SLC67A1: variants seen among roughly 807,000 people sequenced by gnomAD.
SLC67A1 encodes solute carrier family 67 member 1, also known as solute carrier family 67 member A1.
the SLC67A1 span, chr11:2,903,197 G>A: frequency 6.7e-7 from 1 of 1,497,140 alleles, no homozygotes; most frequent in Non-Finnish European, 8.9e-7. Flanking sequence ...GTCCTGCAGT[G>A]CTGTCCTCTC....
chr11:2,922,086 C>G, the SLC67A1 span: 1 of 1,601,546 alleles, frequency 6.2e-7, no homozygotes, highest in South Asian at 1.1e-5. Context: ...CTTCTACCCT[C>G]TCTGTCTGGC....
At chr11:2,922,557 G>GT in the SLC67A1 span, 1 of 1,611,878 alleles carries the variant, frequency 6.2e-7, no homozygotes, top group Non-Finnish European at 8.5e-7. Context: ...TCGGACACAG[G>GT]TGAGTGTGGC....
the SLC67A1 span, chr11:2,918,096 G>A: frequency 9.6e-5 from 154 of 1,611,390 alleles, no homozygotes; most frequent in Non-Finnish European, 1.1e-4. Context: ...TGCCCCACAG[G>A]TGAGTCCCAA....
the SLC67A1 span, chr11:2,916,438 A>T: frequency 5.6e-5 from 31 of 554,148 alleles, no homozygotes; most frequent in African/African-American, 4.2e-4. Context: ...CCATTCCTTC[A>T]TCCATCACCT....
chr11:2,901,592 GTGTGC>G, the SLC67A1 span, among the ~76,000 whole-genome samples: 13 of 152,378 alleles, frequency 8.5e-5, no homozygotes, highest in East Asian at 2.3e-3. Flanking sequence ...CGTGGGGTGT[GTGTGC>G]TCCAGCGGCT....
the SLC67A1 span, chr11:2,914,750 A>G: frequency 4.8e-4 from 477 of 985,306 alleles, no homozygotes; most frequent in Non-Finnish European, 5.3e-4. Flanking sequence ...TACTTCTGGG[A>G]CATCTGGCAA....
At chr11:2,925,063 C>T in the SLC67A1 span, 1 of 1,613,728 alleles carries the variant, frequency 6.2e-7, no homozygotes, top group Non-Finnish European at 8.5e-7. The surrounding 1 kb of genome is among the most constrained non-coding windows in gnomAD (Gnocchi z 6.5). Context: ...AACTCTGGGA[C>T]CCACGGTCGG....
At chr11:2,925,196 G>C in the SLC67A1 span, 1 of 1,612,596 alleles carries the variant, frequency 6.2e-7, no homozygotes. The surrounding 1 kb of genome is among the most constrained non-coding windows in gnomAD (Gnocchi z 6.5). Flanking sequence ...AAAGTCCGGT[G>C]ACCGCTGCCC....
the SLC67A1 span, among the ~76,000 whole-genome samples, chr11:2,923,357 A>C: frequency 0.037 from 3,610 of 98,208 alleles, 62 homozygotes; most frequent in Non-Finnish European, 0.047. The surrounding 1 kb of genome is among the most constrained non-coding windows in gnomAD (Gnocchi z 6.5). Context: ...CACACATCTG[A>C]CACTCCATCC....
chr11:2,913,633 C>G, the SLC67A1 span, among the ~76,000 whole-genome samples: 2 of 152,220 alleles, frequency 1.3e-5, no homozygotes, highest in Non-Finnish European at 2.9e-5. Context: ...GATGACTTCT[C>G]TCAGCCCTGG....
chr11:2,913,457 T>TG, the SLC67A1 span, among the ~76,000 whole-genome samples: 1 of 151,888 alleles, frequency 6.6e-6, no homozygotes, highest in African/African-American at 2.4e-5. Context: ...GTTTGGGGAA[T>TG]GGGGGGACCA....
the SLC67A1 span, among the ~76,000 whole-genome samples, chr11:2,905,751 C>T: frequency 3.4e-4 from 52 of 152,184 alleles, no homozygotes; most frequent in Non-Finnish European, 4.7e-4. Context: ...CTCAGAGCTC[C>T]GCCCTCAAAT....
chr11:2,901,615 C>T, the SLC67A1 span, among the ~76,000 whole-genome samples: 13 of 152,340 alleles, frequency 8.5e-5, no homozygotes, highest in African/African-American at 3.1e-4. Context: ...GCTCCTGCTG[C>T]GGAGGGCGGC....
chr11:2,906,192 AT>A, the SLC67A1 span, among the ~76,000 whole-genome samples: 6 of 152,386 alleles, frequency 3.9e-5, no homozygotes, highest in South Asian at 1.2e-3. Flanking sequence ...ACCAGTTAGA[AT>A]GGCGATCATG....
At chr11:2,911,630 G>A in the SLC67A1 span, among the ~76,000 whole-genome samples, 8 of 152,246 alleles carry the variant, frequency 5.3e-5, no homozygotes, top group Admixed American at 1.3e-4. Context: ...GCCTGCTGCC[G>A]CCTCCTTCCC....
chr11:2,902,695 A>C, the SLC67A1 span: 11 of 985,488 alleles, frequency 1.1e-5, no homozygotes, highest in Non-Finnish European at 1.3e-5. Flanking sequence ...AAGGGTGGGG[A>C]CAGACAGCAC....
the SLC67A1 span, among the ~76,000 whole-genome samples, chr11:2,914,384 G>A: frequency 6.6e-6 from 1 of 152,162 alleles, no homozygotes. Context: ...CCCGGGGGAT[G>A]CCCAGGCTGT....
the SLC67A1 span, among the ~76,000 whole-genome samples, chr11:2,913,908 C>A: frequency 6.6e-6 from 1 of 152,314 alleles, no homozygotes; most frequent in East Asian, 1.9e-4. Context: ...CGATTGAAAG[C>A]CAACTCCACG....
chr11:2,925,187 A>C, the SLC67A1 span: 5 of 1,612,958 alleles, frequency 3.1e-6, no homozygotes, highest in African/African-American at 5.3e-5. The surrounding 1 kb of genome is among the most constrained non-coding windows in gnomAD (Gnocchi z 6.5). Context: ...AGGAAGGACA[A>C]AGTCCGGTGA....
Sources: allele counts gnomAD v4.1 joint callset (sites outside exome capture counted in the v4.1 genomes callset), GRCh38; gene constraint gnomAD v4.1.1; non-coding constraint Gnocchi (gnomAD v3.1); transcripts MANE v1.5; gene names NCBI Gene and HGNC (gene_info 2026-07-23, HGNC 2026-07-21).